NPAS2: variants seen among roughly 807,000 people sequenced by gnomAD.
The protein encoded by NPAS2 is neuronal PAS domain-containing protein 2.
Under a neutral mutation model 107.5 loss-of-function variants are expected in NPAS2, and 23 were observed. That is an observed-to-expected ratio of 0.21 (90% CI 0.15 to 0.30). The LOEUF (loss-of-function observed/expected upper bound fraction) is 0.30, where lower values mean the gene tolerates loss of function less well. Ranked by LOEUF, NPAS2 falls within the 10% of genes least tolerant of loss-of-function variation. The probability of loss-of-function intolerance (pLI) is 1.00; values close to 1 mark genes in which losing one functional copy is unlikely to be tolerated. For synonymous variants in NPAS2, 403 were observed against 417.5 expected (o/e 0.97, Z 0.42); for missense variants, 756 against 1,043.3 (o/e 0.72, Z 3.79).
At chr2:100,912,142 A>C (rs185367982) in intron 2 of NPAS2, among the ~76,000 whole-genome samples, 48 of 152,326 alleles carry the variant, frequency 3.2e-4, no homozygotes, top group Non-Finnish European at 1.2e-4. Context: ...CCTCAGTCGT[A>C]GGCACTGTGG....
chr2:100,936,440 G>A (rs1044035725), intron 4 of NPAS2, among the ~76,000 whole-genome samples: 2 of 152,210 alleles, frequency 1.3e-5, no homozygotes, highest in East Asian at 1.9e-4. Context: ...TCAGTGAACC[G>A]ACAGTGACAG....
At chr2:100,991,043 G>A (rs1013208092) in intron 19 of NPAS2, among the ~76,000 whole-genome samples, 171 bp downstream of exon 19, 1 of 152,152 alleles carries the variant, frequency 6.6e-6, no homozygotes, top group African/African-American at 2.4e-5. Context: ...TTCTTCTACC[G>A]TGTCCCAATT....
rs183278224 is a variant in NPAS2, at chr2:100,882,140, G to T, written c.-22-22593G>T. 3.6e-4 allele frequency among the ~76,000 whole-genome samples: 55 copies of T among 152,280 alleles called. No individual in the cohort carries two copies. In the East Asian group the frequency reaches 0.01, roughly 29 times the overall value. ...TAGATTCAAAGGAAGTCACCAAGAG[G>T]TTCAAGTTCAGTGTACCCACCACCT... is the stretch of plus-strand genomic sequence containing the variant. On this transcript the variant is annotated intron_variant, in intron 1 of 20. Coordinates refer to ENST00000335681, the MANE Select transcript of NPAS2 (RefSeq NM_002518.4).
intron 1 of NPAS2, among the ~76,000 whole-genome samples, chr2:100,840,524 C>T (rs760974364): frequency 6.6e-6 from 1 of 152,120 alleles, no homozygotes; most frequent in Non-Finnish European, 1.5e-5. Flanking sequence ...TGTTCACAGA[C>T]CCGGCTTCCT....
intron 10 of NPAS2, among the ~76,000 whole-genome samples, chr2:100,967,809 T>G (rs529835486): frequency 6.6e-6 from 1 of 152,256 alleles, no homozygotes; most frequent in South Asian, 2.1e-4. Flanking sequence ...CCCGACTCTT[T>G]ATTTGAGAAC....
intron 4 of NPAS2, chr2:100,934,781 G>C: frequency 1.0e-6 from 1 of 985,416 alleles, no homozygotes; most frequent in Non-Finnish European, 1.2e-6. Flanking sequence ...AGCTCCCACG[G>C]TGATGTCACC....
chr2:100,974,170 A>G (rs1010805128), intron 12 of NPAS2, among the ~76,000 whole-genome samples: 2 of 152,224 alleles, frequency 1.3e-5, no homozygotes, highest in Non-Finnish European at 2.9e-5. Context: ...TCATGTGCCT[A>G]TAACAGCTAA....
chr2:100,844,717 C>A (rs1387092067), intron 1 of NPAS2, among the ~76,000 whole-genome samples: 1 of 152,174 alleles, frequency 6.6e-6, no homozygotes, highest in African/African-American at 2.4e-5. Flanking sequence ...ATGAGTCATA[C>A]TTACTACTAG....
At position 100,993,452 on chromosome 2, in the gene NPAS2, C is replaced by T; in HGVS notation, c.2217C>T (p.Pro739=). 6.2e-7 allele frequency: 1 copy of T among 1,612,842 alleles called. No individual in the cohort carries two copies. The highest frequency in any genetic ancestry group is 8.5e-7 in the Non-Finnish European group (1 of 1,179,526). The change falls in exon 20 of 21, where the codon CCC becomes CCT. Residue 739 remains proline (P), a synonymous_variant. Coordinates refer to ENST00000335681, the MANE Select transcript of NPAS2 (RefSeq NM_002518.4). ...VLLMGQAVLH[P]SFPASQPSPL... ...TGATGGGGCAGGCGGTGCTCCACCC[C>T]AGCTTCCCTGCCTCCCAACCATCGC...
At chr2:100,928,770 A>T (rs1416200663) in intron 3 of NPAS2, among the ~76,000 whole-genome samples, 1 of 152,260 alleles carries the variant, frequency 6.6e-6, no homozygotes, top group Non-Finnish European at 1.5e-5. Context: ...GTCCAAATGG[A>T]CATGAACTCT....
At chr2:100,847,085 A>C (rs1320371174) in intron 1 of NPAS2, 1 of 152,220 alleles carries the variant, frequency 6.6e-6, no homozygotes, top group Non-Finnish European at 1.5e-5. Flanking sequence ...AGAAATAATA[A>C]CAATCATTCC....
chr2:100,897,535 C>T (rs552975584), intron 1 of NPAS2, among the ~76,000 whole-genome samples: 1 of 152,296 alleles, frequency 6.6e-6, no homozygotes, highest in Non-Finnish European at 1.5e-5. Context: ...ACCGGGCTGG[C>T]CTCTGGGCTG....
At chr2:100,867,934 T>C (rs1290252106) in intron 1 of NPAS2, among the ~76,000 whole-genome samples, 3 of 152,154 alleles carry the variant, frequency 2.0e-5, no homozygotes, top group African/African-American at 7.2e-5. Flanking sequence ...ATTTTTCCTC[T>C]ACTAATTGGA....
At chr2:100,975,427 A>C in intron 13 of NPAS2, 31 bp from the exon 14 acceptor site, 2 of 1,584,980 alleles carry the variant, frequency 1.3e-6, no homozygotes, top group Non-Finnish European at 1.7e-6. Flanking sequence ...AGTACATGGA[A>C]GTTAGAAGGT....
rs1300196861 is a variant in NPAS2, at chr2:100,976,951, CT to C, written c.1393-756del. On this transcript the variant is annotated intron_variant, in intron 14 of 20. Transcript: ENST00000335681. The surrounding 1 kb of genome is among the most constrained non-coding windows in gnomAD (Gnocchi z 4.1). ...CCTCCCAATGCTGTCCTGGGTGACA[CT>C]TTCCATTTGAGCTGCTTTTTTATAT... The C allele has an allele frequency of 6.6e-6, 1 of 151,970 alleles. No individual in the cohort carries two copies. Among genetic ancestry groups the C allele is most frequent in the South Asian group, 2.1e-4 (1 of 4,810 alleles). 9.4% of individuals were successfully genotyped at this position (151,970 alleles called of 1,614,324 possible). A position where few individuals can be genotyped will look rare whatever the true frequency, so the allele number is the denominator to read the frequency against.
intron 7 of NPAS2, 52 bp downstream of exon 7, chr2:100,949,532 T>C: frequency 9.6e-7 from 1 of 1,046,530 alleles, no homozygotes; most frequent in Non-Finnish European, 1.5e-6. Context: ...CATGCAAACG[T>C]GCACATGGGG....
chr2:100,944,605 C>T (rs1674775156), intron 5 of NPAS2, among the ~76,000 whole-genome samples: 1 of 152,192 alleles, frequency 6.6e-6, no homozygotes, highest in African/African-American at 2.4e-5. Context: ...CACCTGTAAG[C>T]ACTAGGGTTA....
chr2:100,994,286 A>C (rs1678317575), intron 20 of NPAS2: 1 of 152,288 alleles, frequency 6.6e-6, no homozygotes. Flanking sequence ...TGAGTACTGT[A>C]GATAGTGATG....
chr2:100,855,831 G>T (rs1203910186), intron 1 of NPAS2, among the ~76,000 whole-genome samples: 2 of 152,192 alleles, frequency 1.3e-5, no homozygotes, highest in Non-Finnish European at 2.9e-5. Flanking sequence ...TGAATCACTG[G>T]CTCTTGACCA....
Sources: allele counts gnomAD v4.1 joint callset (sites outside exome capture counted in the v4.1 genomes callset), GRCh38; gene constraint gnomAD v4.1.1; non-coding constraint Gnocchi (gnomAD v3.1); transcripts MANE v1.5; gene names NCBI Gene and HGNC (gene_info 2026-07-23, HGNC 2026-07-21).